The following MBD5 variants were observed in gnomAD, a reference collection of about 807,000 sequenced individuals.
The protein encoded by MBD5 is methyl-CpG-binding domain protein 5.
In MBD5, 13 loss-of-function variants were observed where a neutral mutation model predicts 117.3. The ratio of observed to expected loss-of-function variants is 0.11; its 90% CI spans 0.07 to 0.18. The LOEUF is 0.18. MBD5 is among the 10% of genes least tolerant of loss of function. MBD5 has a pLI of 1.00. For missense variants in MBD5, 1,879 were observed against 2,093.8 expected (o/e 0.90, Z 2.00); for synonymous variants, 727 against 766.4 (o/e 0.95, Z 0.85).
intron 1 of MBD5, among the ~76,000 whole-genome samples, chr2:148,079,793 G>T (rs992100352): frequency 6.6e-6 from 1 of 151,900 alleles, no homozygotes; most frequent in African/African-American, 2.4e-5. Context: ...GGAGGCGGAG[G>T]TTGCAGTGAG....
chr2:148,349,817 A>G (rs1259495477), intron 4 of MBD5, among the ~76,000 whole-genome samples: 3 of 152,044 alleles, frequency 2.0e-5, no homozygotes, highest in African/African-American at 7.2e-5. Flanking sequence ...ATCTTATATT[A>G]CTTCCATTGA....
At chr2:148,213,936 A>C (rs1345481099) in intron 2 of MBD5, among the ~76,000 whole-genome samples, 3 of 152,200 alleles carry the variant, frequency 2.0e-5, no homozygotes, top group Non-Finnish European at 4.4e-5. Context: ...TATTAACAAA[A>C]AATACCATGA....
intron 3 of MBD5, among the ~76,000 whole-genome samples, chr2:148,326,057 A>G (rs1026472616): frequency 6.6e-6 from 1 of 152,158 alleles, no homozygotes; most frequent in South Asian, 2.1e-4. Context: ...ATTGGTTTCA[A>G]AGAACATCTT....
At chr2:148,415,149 A>G (rs544113235) in intron 4 of MBD5, among the ~76,000 whole-genome samples, 1 of 152,322 alleles carries the variant, frequency 6.6e-6, no homozygotes, top group East Asian at 1.9e-4. Flanking sequence ...GACCTCTTGT[A>G]AGGCAGATGA....
chr2:148,459,682 T>C (rs1574448006), intron 5 of MBD5, among the ~76,000 whole-genome samples: 1 of 152,212 alleles, frequency 6.6e-6, no homozygotes, highest in African/African-American at 2.4e-5. Flanking sequence ...ACTTTCAGTG[T>C]GGCTATTTAT....
intron 4 of MBD5, among the ~76,000 whole-genome samples, chr2:148,396,069 A>G (rs1026134872): frequency 2.6e-5 from 4 of 152,150 alleles, no homozygotes; most frequent in Admixed American, 6.5e-5. Flanking sequence ...TCTCAAAAGT[A>G]TAATATTTGC....
chr2:148,079,078 T>C (rs2105142032), intron 1 of MBD5, among the ~76,000 whole-genome samples: 1 of 152,332 alleles, frequency 6.6e-6, no homozygotes, highest in South Asian at 2.1e-4. Flanking sequence ...TGTCTTTATT[T>C]TGACTGTCCA....
At chr2:148,325,286 C>A (rs1382707210) in intron 3 of MBD5, among the ~76,000 whole-genome samples, 1 of 152,106 alleles carries the variant, frequency 6.6e-6, no homozygotes, top group Non-Finnish European at 1.5e-5. Flanking sequence ...AGATATTGGT[C>A]TAAAATTCTC....
intron 2 of MBD5, among the ~76,000 whole-genome samples, chr2:148,229,346 T>C (rs978219063): frequency 6.6e-6 from 1 of 152,156 alleles, no homozygotes; most frequent in Non-Finnish European, 1.5e-5. Context: ...TCTTTGTAAT[T>C]ATTTCAATCT....
chr2:148,388,834 T>C (rs909000606), intron 4 of MBD5, among the ~76,000 whole-genome samples: 3 of 152,148 alleles, frequency 2.0e-5, no homozygotes, highest in African/African-American at 7.2e-5. Flanking sequence ...AAAATTATTA[T>C]AATTATTCAA....
chr2:148,218,069 A>C (rs1388966405), intron 2 of MBD5, among the ~76,000 whole-genome samples: 1 of 152,238 alleles, frequency 6.6e-6, no homozygotes, highest in African/African-American at 2.4e-5. Context: ...CTAGCGTATT[A>C]ATACATAATT....
At position 148,341,955 on chromosome 2, in the gene MBD5, AT is replaced by A. The variant is rs755291394; in HGVS notation, c.-679-254del. 3.9e-5 allele frequency among the ~76,000 whole-genome samples: 6 copies of A among 152,116 alleles called. No individual in the cohort carries two copies. In the East Asian group the frequency reaches 9.6e-4, roughly 24 times the overall value. Reference sequence around the variant, plus strand: ...AATTATACTACTATTTTTATCAATAATTTTTAATTTATTAAATATGTTTCTT... The same window carrying A: ...AATTATACTACTATTTTTATCAATAATTTTAATTTATTAAATATGTTTCTT... On this transcript the variant is annotated intron_variant, in intron 3 of 13. Coordinates refer to ENST00000642680, the MANE Select transcript of MBD5 (RefSeq NM_001378120.1).
At chr2:148,094,855 G>A (rs948311911) in intron 1 of MBD5, among the ~76,000 whole-genome samples, 2 of 152,122 alleles carry the variant, frequency 1.3e-5, no homozygotes, top group African/African-American at 2.4e-5. Flanking sequence ...AGAATCTGCT[G>A]CTCAGAGAGT....
At chr2:148,351,129 C>T (rs570497356) in intron 4 of MBD5, among the ~76,000 whole-genome samples, 1 of 152,028 alleles carries the variant, frequency 6.6e-6, no homozygotes, top group South Asian at 2.1e-4. Context: ...TCTATTTAAT[C>T]CAAGGACTTT....
chr2:148,023,064 G>A (rs543388531), intron 1 of MBD5, among the ~76,000 whole-genome samples: 1 of 148,984 alleles, frequency 6.7e-6, no homozygotes, highest in Admixed American at 6.7e-5. Context: ...ACTCTCTTTC[G>A]CTCGCTCTCT....
At chr2:148,437,586 G>A (rs1041840494) in intron 4 of MBD5, among the ~76,000 whole-genome samples, 8 of 151,728 alleles carry the variant, frequency 5.3e-5, no homozygotes, top group African/African-American at 9.7e-5. Flanking sequence ...ACTTTGAAAA[G>A]AGGATCTATT....
intron 1 of MBD5, among the ~76,000 whole-genome samples, chr2:148,136,066 C>A (rs1043984732): frequency 6.6e-6 from 1 of 152,118 alleles, no homozygotes; most frequent in Non-Finnish European, 1.5e-5. Context: ...AATCATCAGT[C>A]TAGTATTCAT....
intron 4 of MBD5, among the ~76,000 whole-genome samples, chr2:148,445,948 T>A (rs112165440): frequency 0.16 from 24,792 of 151,232 alleles, 2,527 homozygotes; most frequent in Non-Finnish European, 0.19. Context: ...GAGAAGCGTC[T>A]GTTCATATCC....
At chr2:148,373,803 A>G (rs1317413895) in intron 4 of MBD5, among the ~76,000 whole-genome samples, 4 of 152,160 alleles carry the variant, frequency 2.6e-5, no homozygotes, top group Admixed American at 6.6e-5. Context: ...AGAATTATTC[A>G]TAATACTTTA....
Sources: allele counts gnomAD v4.1 joint callset (sites outside exome capture counted in the v4.1 genomes callset), GRCh38; gene constraint gnomAD v4.1.1; transcripts MANE v1.5; gene names NCBI Gene and HGNC (gene_info 2026-07-23, HGNC 2026-07-21).